The following XPO7 variants were observed in gnomAD, a reference collection of about 807,000 sequenced individuals.
The protein encoded by XPO7 is exportin-7.
In XPO7, 21 loss-of-function variants were observed where a neutral mutation model predicts 144.3. That is an observed-to-expected ratio of 0.15 (90% CI 0.10 to 0.21). XPO7 has a LOEUF of 0.21. Ranked by LOEUF, XPO7 falls within the 10% of genes least tolerant of loss-of-function variation. The pLI is 1.00. For missense variants in XPO7, 808 were observed against 1,325.8 expected (o/e 0.61, Z 6.06); for synonymous variants, 580 against 499.6 (o/e 1.16, Z -2.15).
intron 21 of XPO7, among the ~76,000 whole-genome samples, chr8:21,997,865 G>GAGGAAGT (rs1813003896): frequency 6.6e-6 from 1 of 152,072 alleles, no homozygotes; most frequent in African/African-American, 2.4e-5. Flanking sequence ...AAGGAGGAAG[G>GAGGAAGT]ACTCCTGGGC....
intron 10 of XPO7, 40 bp downstream of exon 10, chr8:21,981,917 G>A (rs1242798934): frequency 1.9e-6 from 3 of 1,603,920 alleles, no homozygotes; most frequent in East Asian, 2.2e-5. Context: ...CCTAAATACT[G>A]GAATCTCTTG....
chr8:21,971,320 A>G (rs915674126), intron 4 of XPO7, among the ~76,000 whole-genome samples: 4 of 152,220 alleles, frequency 2.6e-5, no homozygotes, highest in African/African-American at 9.7e-5. Context: ...CTACTTCCAC[A>G]AACAGTTGAT....
chr8:21,941,128 A>G (rs1221654072), intron 1 of XPO7, among the ~76,000 whole-genome samples: 4 of 130,470 alleles, frequency 3.1e-5, no homozygotes, highest in Admixed American at 2.1e-4. Flanking sequence ...GTATCCTCCT[A>G]TATGCTTTTT....
intron 1 of XPO7, among the ~76,000 whole-genome samples, chr8:21,932,422 A>G (rs1810682424): frequency 6.6e-6 from 1 of 152,156 alleles, no homozygotes. Context: ...TCAGAGGGTA[A>G]ATATGAAACC....
intron 1 of XPO7, 65 bp downstream of exon 1, chr8:21,919,853 A>C (rs1424912384): frequency 3.1e-6 from 1 of 323,462 alleles, no homozygotes; most frequent in Admixed American, 5.3e-5. Flanking sequence ...GGGGGTGCAC[A>C]CGGCCCACAG....
At chr8:21,941,778 C>G (rs549459861) in intron 1 of XPO7, among the ~76,000 whole-genome samples, 1 of 152,258 alleles carries the variant, frequency 6.6e-6, no homozygotes, top group South Asian at 2.1e-4. Context: ...TAGGCTTAAG[C>G]GATCCTCCCG....
chr8:21,977,731 A>T (rs1347859168), intron 7 of XPO7, 39 bp from the exon 8 acceptor site: 1 of 1,599,454 alleles, frequency 6.3e-7, no homozygotes, highest in East Asian at 2.2e-5. Flanking sequence ...CAATGTTCAT[A>T]CTTAATAAAG....
chr8:21,985,208 A>G (rs1290451734), intron 12 of XPO7, among the ~76,000 whole-genome samples: 4 of 152,188 alleles, frequency 2.6e-5, no homozygotes, highest in South Asian at 2.1e-4. Context: ...AGCTGGGACC[A>G]GGCCAAGAGG....
At chr8:21,997,251 C>A (rs932793619) in intron 21 of XPO7, among the ~76,000 whole-genome samples, 1 of 152,202 alleles carries the variant, frequency 6.6e-6, no homozygotes, top group Admixed American at 6.5e-5. Context: ...TTCCTAGCCA[C>A]TATGCCAGAC....
chr8:21,930,444 A>G (rs1810607743), intron 1 of XPO7, among the ~76,000 whole-genome samples: 1 of 152,198 alleles, frequency 6.6e-6, no homozygotes, highest in African/African-American at 2.4e-5. Context: ...TGCATAGAAC[A>G]TAAGACGTAA....
chr8:21,981,766 C>T lies in XPO7; in HGVS notation c.993C>T (p.Cys331=). Reference sequence around the variant, plus strand: ...ACCCAAACAATTACCATGAGTTTTGCAGACTACTGGCCCGATTGAAGAGTA... The same window carrying T: ...ACCCAAACAATTACCATGAGTTTTGTAGACTACTGGCCCGATTGAAGAGTA... The part of the protein sequence containing the change: ...LSDPNNYHEF[C]RLLARLKSNY... The change falls in exon 10 of 28, where the codon TGC becomes TGT. Residue 331 remains cysteine (C), a synonymous_variant. Transcript: ENST00000252512. The T allele has an allele frequency of 6.2e-7, 1 of 1,613,926 alleles. No homozygotes were observed. The highest frequency in any genetic ancestry group is 1.1e-5 in the South Asian group (1 of 91,074).
chr8:21,979,829 G>A (rs1242287550), intron 8 of XPO7, among the ~76,000 whole-genome samples: 1 of 151,988 alleles, frequency 6.6e-6, no homozygotes, highest in Non-Finnish European at 1.5e-5. Flanking sequence ...TATTTTTAAG[G>A]GTGAAATAAC....
intron 1 of XPO7, among the ~76,000 whole-genome samples, chr8:21,933,919 T>G (rs1470028734): frequency 6.6e-6 from 1 of 152,224 alleles, no homozygotes; most frequent in Non-Finnish European, 1.5e-5. Flanking sequence ...TTGTTAGAGA[T>G]AATGTATGAA....
At chr8:21,966,449 T>C (rs980630058) in intron 1 of XPO7, 3 of 589,538 alleles carry the variant, frequency 5.1e-6, no homozygotes, top group Non-Finnish European at 9.2e-6. Context: ...TGTGTGGTAC[T>C]TATATCATGT....
intron 1 of XPO7, among the ~76,000 whole-genome samples, chr8:21,951,893 A>G (rs1585434827): frequency 6.6e-6 from 1 of 152,332 alleles, no homozygotes; most frequent in Non-Finnish European, 1.5e-5. Context: ...TACAGTGTGA[A>G]TCCCTAGAAG....
chr8:21,964,142 A>G (rs1049753619), intron 1 of XPO7: 2 of 152,220 alleles, frequency 1.3e-5, no homozygotes, highest in African/African-American at 4.8e-5. Context: ...GTGCTTTTCT[A>G]TTCCAGCGAG....
At chr8:21,979,953 T>C in intron 8 of XPO7, 131 bp from the exon 9 acceptor site, 2 of 1,162,452 alleles carry the variant, frequency 1.7e-6, no homozygotes, top group Non-Finnish European at 2.3e-6. Flanking sequence ...TATGTTCTTT[T>C]CTTTTCTCTT....
At chr8:21,920,989 C>G (rs1012406147) in intron 1 of XPO7, among the ~76,000 whole-genome samples, 11 of 152,120 alleles carry the variant, frequency 7.2e-5, no homozygotes, top group Non-Finnish European at 1.5e-4. Flanking sequence ...GGCCAGAGAT[C>G]AGTAAAGTAG....
intron 1 of XPO7, among the ~76,000 whole-genome samples, chr8:21,963,181 CATG>C (rs1173252352): frequency 2.0e-5 from 3 of 152,198 alleles, no homozygotes; most frequent in Non-Finnish European, 4.4e-5. Flanking sequence ...TATTTTGTAA[CATG>C]ATGGCAGCTT....
Sources: gnomAD v4.1 joint callset for allele counts (sites outside exome capture counted in the v4.1 genomes callset) on GRCh38, gnomAD v4.1.1 for gene constraint, MANE v1.5 for transcripts, NCBI Gene and HGNC (gene_info 2026-07-23, HGNC 2026-07-21) for gene names.